The following DNAJC6 variants were observed in gnomAD, a reference collection of about 807,000 sequenced individuals.
The protein encoded by DNAJC6 is auxilin.
Under a neutral mutation model 110.0 loss-of-function variants are expected in DNAJC6, and 34 were observed. The ratio of observed to expected loss-of-function variants is 0.31; its 90% CI spans 0.24 to 0.41. The LOEUF is 0.41. DNAJC6 is among the 10% of genes least tolerant of loss of function. The probability of loss-of-function intolerance (pLI) is 1.00; values close to 1 mark genes in which losing one functional copy is unlikely to be tolerated. For missense variants in DNAJC6, 1,031 were observed against 1,207.8 expected, an observed-to-expected ratio of 0.85 and a Z score of 2.17; for synonymous variants, 406 against 437.2, an observed-to-expected ratio of 0.93 and a Z score of 0.89.
intron 1 of DNAJC6, among the ~76,000 whole-genome samples, chr1:65,355,650 G>A (rs1018585313): frequency 4.6e-5 from 7 of 152,166 alleles, no homozygotes; most frequent in Non-Finnish European, 1.0e-4. Context: ...CCTGCAAATA[G>A]CTCACAATAA....
At position 65,379,534 on chromosome 1, in the gene DNAJC6, C is replaced by A. The variant is rs373591833; in HGVS notation, c.666+10C>A. ...TGTTGTCCACTGCTTGGTGAGTAACCTTTTGTTGTTGGTGGTGATGGTTTG... is the reference window on the plus strand; with the variant it reads ...TGTTGTCCACTGCTTGGTGAGTAACATTTTGTTGTTGGTGGTGATGGTTTG... On this transcript the variant is annotated intron_variant, in intron 5 of 18. Coordinates refer to ENST00000371069, the MANE Select transcript of DNAJC6 (RefSeq NM_001256864.2). The A allele has an allele frequency of 9.3e-6, 15 of 1,613,370 alleles. No homozygotes were observed. Among genetic ancestry groups the A allele is most frequent in the South Asian group, 7.7e-5 (7 of 91,000 alleles).
rs550091760 is a variant in DNAJC6 at position 65,380,900 on chromosome 1, T to G, written c.666+1376T>G. Among the ~76,000 whole-genome samples the G allele has an allele frequency of 8.0e-4, 114 of 142,564 alleles. 2 individuals are homozygous for G. The highest frequency in any genetic ancestry group is 2.3e-3 in the African/African-American group (80 of 35,390). The allele number at this position is 142,564 out of a possible 152,430, so 93.5% of individuals were successfully genotyped here. On this transcript the variant is annotated intron_variant, in intron 5 of 18. Coordinates refer to ENST00000371069, the MANE Select transcript of DNAJC6 (RefSeq NM_001256864.2). ...AAGCTGGGGGAGGGAGTTTTTTTTT[T>G]TTTGTTTTTTGTTTTGTTTTGTTTT...
At chr1:65,387,855 A>G (rs1245259836) in intron 8 of DNAJC6, among the ~76,000 whole-genome samples, 1 of 152,224 alleles carries the variant, frequency 6.6e-6, no homozygotes, top group Non-Finnish European at 1.5e-5. Context: ...GAGTAAGACT[A>G]TGTCTCTGCC....
At chr1:65,346,906 C>G (rs1449446846) in intron 1 of DNAJC6, among the ~76,000 whole-genome samples, 1 of 152,080 alleles carries the variant, frequency 6.6e-6, no homozygotes, top group Non-Finnish European at 1.5e-5. Flanking sequence ...CAACACCACC[C>G]CCGCTCCACC....
intron 1 of DNAJC6, among the ~76,000 whole-genome samples, chr1:65,348,030 A>G (rs1645454271): frequency 6.6e-6 from 1 of 152,146 alleles, no homozygotes; most frequent in African/African-American, 2.4e-5. Context: ...TGTTTGGCTT[A>G]TCTTCCCCAG....
intron 1 of DNAJC6, among the ~76,000 whole-genome samples, chr1:65,362,965 A>G (rs1478790685): frequency 6.6e-6 from 1 of 152,212 alleles, no homozygotes; most frequent in Non-Finnish European, 1.5e-5. Context: ...TATAAAGAAA[A>G]GAAGTTTAAT....
intron 5 of DNAJC6, chr1:65,383,979 A>T (rs1465285155): frequency 2.5e-6 from 1 of 405,724 alleles, no homozygotes; most frequent in Non-Finnish European, 4.2e-6. Flanking sequence ...GATTAGAATC[A>T]ATTTTATTCT....
chr1:65,328,234 C>A (rs1024146788), intron 1 of DNAJC6, among the ~76,000 whole-genome samples: 1 of 152,104 alleles, frequency 6.6e-6, no homozygotes, highest in African/African-American at 2.4e-5. Flanking sequence ...CAGTAATTAA[C>A]AAATTTTAAA....
chr1:65,292,582 C>T (rs1033305149), intron 1 of DNAJC6, among the ~76,000 whole-genome samples: 1 of 151,670 alleles, frequency 6.6e-6, no homozygotes, highest in African/African-American at 2.4e-5. Flanking sequence ...AGGCACACAC[C>T]ATCATGCCTG....
intron 1 of DNAJC6, among the ~76,000 whole-genome samples, chr1:65,363,534 C>T (rs1422340298): frequency 6.6e-6 from 1 of 152,194 alleles, no homozygotes; most frequent in Admixed American, 6.5e-5. Flanking sequence ...CACAGCACTT[C>T]CCCTCACACA....
chr1:65,398,794 T>C lies in DNAJC6; in HGVS notation c.2039-19T>C, dbSNP rs1646003308. 1.2e-6 allele frequency: 2 copies of C among 1,613,820 alleles called. No individual in the cohort carries two copies. The highest frequency in any genetic ancestry group is 2.2e-5 in the East Asian group (1 of 44,898). ...CTGAGCTCTCTTGTTCTCATTCTTTTTCTTTTCCCCATTTGCAGCTTCTAG... is the reference window on the plus strand; with the variant it reads ...CTGAGCTCTCTTGTTCTCATTCTTTCTCTTTTCCCCATTTGCAGCTTCTAG... On this transcript the variant is annotated intron_variant, in intron 13 of 18. Transcript: ENST00000371069.
intron 1 of DNAJC6, among the ~76,000 whole-genome samples, chr1:65,310,449 C>T (rs2101362407): frequency 6.6e-6 from 1 of 152,362 alleles, no homozygotes; most frequent in East Asian, 1.9e-4. Context: ...CACATCTTAA[C>T]TCAGCCGTCT....
At chr1:65,364,812 A>T in intron 2 of DNAJC6, 27 bp downstream of exon 2, 1 of 1,610,346 alleles carries the variant, frequency 6.2e-7, no homozygotes, top group Non-Finnish European at 8.5e-7. Flanking sequence ...CAGTTAATTT[A>T]GTGGATCCCC....
rs1402568623 is a variant in DNAJC6 at position 65,415,736 on chromosome 1, G to A, written c.*2711G>A. On this transcript the variant is annotated 3_prime_UTR_variant, in exon 19 of 19. Coordinates refer to ENST00000371069, the MANE Select transcript of DNAJC6 (RefSeq NM_001256864.2). ...ACCTGTCACTGTACTATCTACATGTGGAAGAATGTTCAAGTTGAATCCTAA... is the reference window on the plus strand; with the variant it reads ...ACCTGTCACTGTACTATCTACATGTAGAAGAATGTTCAAGTTGAATCCTAA... The A allele has an allele frequency of 6.6e-6, 1 of 152,208 alleles. No homozygotes were observed. The highest frequency in any genetic ancestry group is 1.5e-5 in the Non-Finnish European group (1 of 68,042). 9.4% of individuals were successfully genotyped at this position (152,208 alleles called of 1,614,324 possible). A position where few individuals can be genotyped will look rare whatever the true frequency, so the allele number is the denominator to read the frequency against.
At chr1:65,353,539 G>A (rs552538411) in intron 1 of DNAJC6, among the ~76,000 whole-genome samples, 1 of 152,224 alleles carries the variant, frequency 6.6e-6, no homozygotes, top group South Asian at 2.1e-4. Context: ...CATTTGACTG[G>A]AATTCCCCTA....
At chr1:65,358,990 C>G (rs769001523) in intron 1 of DNAJC6, among the ~76,000 whole-genome samples, 1 of 152,204 alleles carries the variant, frequency 6.6e-6, no homozygotes, top group Non-Finnish European at 1.5e-5. Context: ...ATTATGGACA[C>G]TCCTTCTCCT....
chr1:65,285,761 CT>C (rs1653996169), intron 1 of DNAJC6, among the ~76,000 whole-genome samples: 2 of 152,100 alleles, frequency 1.3e-5, no homozygotes, highest in African/African-American at 4.8e-5. Context: ...TAGCCTCTGG[CT>C]CCTGGATTCA....
rs779540362 is a variant in DNAJC6, at chr1:65,309,889, G to T, written c.144G>T (p.Arg48=). 9.2e-5 allele frequency: 142 copies of T among 1,543,936 alleles called. 1 individual carries two copies. Among genetic ancestry groups the T allele is most frequent in the South Asian group, 7.0e-4 (59 of 83,744 alleles). The change falls in exon 1 of 19, where the codon CGG becomes CGT. Residue 48 remains arginine (R), a synonymous_variant. Transcript: ENST00000371069. ...GAGTGAACGCCGGGGCAGCGGCGCG[G>T]AGTCCCGCCCGACAGCCTCCGGACC... ...KQRVNAGAAA[R]SPARQPPDRA...
chr1:65,310,681 T>A (rs966254841), intron 1 of DNAJC6, among the ~76,000 whole-genome samples: 3 of 152,202 alleles, frequency 2.0e-5, no homozygotes, highest in African/African-American at 7.2e-5. Flanking sequence ...TTATAAAAGG[T>A]TTGGCAAGTT....
Sources: allele counts gnomAD v4.1 joint callset (sites outside exome capture counted in the v4.1 genomes callset), GRCh38; gene constraint gnomAD v4.1.1; transcripts MANE v1.5; gene names NCBI Gene and HGNC (gene_info 2026-07-23, HGNC 2026-07-21).